The following DPYD variants were observed in gnomAD, a reference collection of about 807,000 sequenced individuals.
DPYD encodes dihydropyrimidine dehydrogenase.
DPYD carries 109 observed loss-of-function variants against 116.2 expected under a neutral mutation model. The observed-to-expected ratio is 0.94, with a 90% CI of 0.80 to 1.10. The LOEUF is 1.10. Among genes scored for constraint, DPYD ranks in the 50% least tolerant of loss-of-function variants. DPYD has a pLI of 0.00. For synonymous variants in DPYD, 440 were observed against 432.0 expected, an observed-to-expected ratio of 1.02 and a Z score of -0.23; for missense variants, 1,302 against 1,254.5, an observed-to-expected ratio of 1.04 and a Z score of -0.57.
Position 97,417,646 on chromosome 1 carries a change from C to T in DPYD, c.1905+32413G>A, listed in dbSNP as rs114813653. On this transcript the variant is annotated intron_variant, in intron 14 of 22. Transcript: ENST00000370192. ...TATATTTGATTTTGAATTTATTTTA[C>T]GATGTTGTTTTCACTTTAATTTTTT... Among the ~76,000 whole-genome samples the T allele has an allele frequency of 3.7e-3, 568 of 152,192 alleles. 3 individuals are homozygous for T. Among genetic ancestry groups the T allele is most frequent in the African/African-American group, 0.013 (552 of 41,550 alleles).
At chr1:97,351,377 C>T (rs746849968) in intron 16 of DPYD, among the ~76,000 whole-genome samples, 1 of 151,834 alleles carries the variant, frequency 6.6e-6, no homozygotes, top group Non-Finnish European at 1.5e-5. Flanking sequence ...GTTCCCACGG[C>T]GTTTGCAAAA....
intron 4 of DPYD, among the ~76,000 whole-genome samples, chr1:97,738,159 T>C (rs760654691): frequency 3.9e-4 from 60 of 152,212 alleles, no homozygotes; most frequent in Non-Finnish European, 7.1e-4. Context: ...TATTTCACTA[T>C]ATTTATAGAC....
chr1:97,181,064 C>T (rs1229851172), intron 20 of DPYD, among the ~76,000 whole-genome samples: 2 of 152,110 alleles, frequency 1.3e-5, no homozygotes, highest in Admixed American at 1.3e-4. Context: ...AGTGGAAATC[C>T]ATGTTCTGTA....
At chr1:97,435,592 A>G (rs887262144) in intron 14 of DPYD, among the ~76,000 whole-genome samples, 11 of 151,960 alleles carry the variant, frequency 7.2e-5, no homozygotes, top group Non-Finnish European at 1.5e-4. Flanking sequence ...AAACTGAATC[A>G]ATTATCTAAT....
intron 3 of DPYD, among the ~76,000 whole-genome samples, chr1:97,777,375 C>T (rs1361415926): frequency 1.3e-5 from 2 of 152,170 alleles, no homozygotes; most frequent in Non-Finnish European, 2.9e-5. Flanking sequence ...TGCAAATACT[C>T]AAGGCCACAC....
intron 16 of DPYD, among the ~76,000 whole-genome samples, chr1:97,315,881 GAA>G (rs1186052276): frequency 6.6e-6 from 1 of 151,830 alleles, no homozygotes; most frequent in Non-Finnish European, 1.5e-5. Flanking sequence ...TTTTTTCCTA[GAA>G]AAAGACTGCT....
chr1:97,096,096 G>A (rs574337751), intron 21 of DPYD: 1 of 152,276 alleles, frequency 6.6e-6, no homozygotes, highest in African/African-American at 2.4e-5. Flanking sequence ...ACATAAACTT[G>A]CACTATTTTT....
rs542074794 is a variant in DPYD at position 97,811,072 on chromosome 1, T to C, written c.233+17042A>G. 5.3e-5 allele frequency among the ~76,000 whole-genome samples: 8 copies of C among 152,248 alleles called. 2 individuals are homozygous for C. The South Asian group carries it at 1.7e-3, about 32-fold the overall frequency. ...CCTATTTTCTTAGCCTATATCCACT[T>C]ACCCTTCTTTCAGACTTCAGCTTGA... On this transcript the variant is annotated intron_variant, in intron 3 of 22. Transcript: ENST00000370192.
At chr1:97,669,028 C>T (rs1442863353) in intron 8 of DPYD, among the ~76,000 whole-genome samples, 1 of 151,750 alleles carries the variant, frequency 6.6e-6, no homozygotes, top group Non-Finnish European at 1.5e-5. Context: ...GGATGCACAA[C>T]GTATCTCAGT....
At chr1:97,730,087 C>T (rs968181319) in intron 4 of DPYD, among the ~76,000 whole-genome samples, 7 of 152,062 alleles carry the variant, frequency 4.6e-5, no homozygotes, top group Middle Eastern at 3.4e-3. Flanking sequence ...TATATATTTG[C>T]GGTAGTCTTA....
intron 8 of DPYD, among the ~76,000 whole-genome samples, chr1:97,609,562 C>T (rs12068454): frequency 0.032 from 4,806 of 151,996 alleles, 265 homozygotes; most frequent in African/African-American, 0.11. Flanking sequence ...TATCCTTATG[C>T]TCATTTACAG....
chr1:97,641,466 T>A (rs553453797), intron 8 of DPYD, among the ~76,000 whole-genome samples: 1 of 152,100 alleles, frequency 6.6e-6, no homozygotes, highest in Non-Finnish European at 1.5e-5. Context: ...TCCTACATAA[T>A]CCATCACATA....
chr1:97,362,012 T>C (rs1007974356), intron 16 of DPYD, among the ~76,000 whole-genome samples: 3 of 152,230 alleles, frequency 2.0e-5, no homozygotes, highest in Non-Finnish European at 4.4e-5. Flanking sequence ...GGAAGTCAAA[T>C]TGTCCTTGTT....
intron 10 of DPYD, among the ~76,000 whole-genome samples, chr1:97,585,575 T>A (rs941927295): frequency 6.6e-6 from 1 of 152,214 alleles, no homozygotes; most frequent in Non-Finnish European, 1.5e-5. Flanking sequence ...AATTTTAAAA[T>A]TTTTTAAAAA....
At chr1:97,672,058 A>C (rs1421447529) in intron 8 of DPYD, among the ~76,000 whole-genome samples, 1 of 151,118 alleles carries the variant, frequency 6.6e-6, no homozygotes, top group African/African-American at 2.4e-5. Flanking sequence ...CCCATAATCA[A>C]ACTATTTAGG....
intron 12 of DPYD, among the ~76,000 whole-genome samples, chr1:97,526,002 T>C (rs1649058973): frequency 6.6e-6 from 1 of 151,878 alleles, no homozygotes; most frequent in Non-Finnish European, 1.5e-5. Flanking sequence ...TGTGTGTGTG[T>C]GTGTGTGTGT....
chr1:97,252,113 G>T (rs563832), intron 18 of DPYD, among the ~76,000 whole-genome samples: 55,842 of 146,306 alleles, frequency 0.38, 11,536 homozygotes, highest in Middle Eastern at 0.43. Flanking sequence ...TCATAGTTAT[G>T]TCAAGTCTAT....
At chr1:97,861,625 C>T (rs547429918) in intron 2 of DPYD, among the ~76,000 whole-genome samples, 1 of 151,898 alleles carries the variant, frequency 6.6e-6, no homozygotes, top group African/African-American at 2.4e-5. Context: ...AGTTATGGCA[C>T]ACAAGAGAAA....
chr1:97,146,109 T>C (rs1359439885), intron 20 of DPYD, among the ~76,000 whole-genome samples: 1 of 152,222 alleles, frequency 6.6e-6, no homozygotes, highest in Non-Finnish European at 1.5e-5. Flanking sequence ...TGTTTATTTT[T>C]GCTTTTTTGT....
Sources: gnomAD v4.1 joint callset for allele counts (sites outside exome capture counted in the v4.1 genomes callset) on GRCh38, gnomAD v4.1.1 for gene constraint, MANE v1.5 for transcripts, NCBI Gene and HGNC (gene_info 2026-07-23, HGNC 2026-07-21) for gene names.